SULF2: variants seen among roughly 807,000 people sequenced by gnomAD.
The protein encoded by SULF2 is extracellular sulfatase Sulf-2.
Under a neutral mutation model 107.7 loss-of-function variants are expected in SULF2, and 52 were observed. That is an observed-to-expected ratio of 0.48 (90% CI 0.39 to 0.61). SULF2 has a LOEUF of 0.61. SULF2 is among the 20% of genes least tolerant of loss of function. The pLI, the probability that SULF2 is intolerant of heterozygous loss-of-function variation, is 0.00. For synonymous variants in SULF2, 460 were observed against 464.3 expected (o/e 0.99, Z 0.12); for missense variants, 993 against 1,177.3 (o/e 0.84, Z 2.29).
chr20:47,745,397 AAAAAAAAAAAAAAATATAT>A (rs1340991270), intron 2 of SULF2, among the ~76,000 whole-genome samples: 6 of 33,826 alleles, frequency 1.8e-4, no homozygotes, highest in African/African-American at 5.2e-4. Context: ...AAAAAAAAAA[AAAAAAAAAAAAAAATATAT>A]ATATATATAT....
At chr20:47,747,461 G>C (rs1342749336) in intron 2 of SULF2, among the ~76,000 whole-genome samples, 1 of 152,084 alleles carries the variant, frequency 6.6e-6, no homozygotes, top group Admixed American at 6.5e-5. Flanking sequence ...GCAGAGAGGT[G>C]GCAGAGCACA....
intron 3 of SULF2, among the ~76,000 whole-genome samples, chr20:47,720,174 C>T (rs1421911842): frequency 2.6e-5 from 4 of 152,104 alleles, no homozygotes; most frequent in South Asian, 2.1e-4. Context: ...AGGATGGTCT[C>T]GATCTCCTGA....
At chr20:47,748,773 T>TCTTGTGGGGTGACCCTCTGTGTCC (rs1221737679) in intron 2 of SULF2, among the ~76,000 whole-genome samples, 1 of 152,142 alleles carries the variant, frequency 6.6e-6, no homozygotes, top group African/African-American at 2.4e-5. Flanking sequence ...GGGTGACAGC[T>TCTTGTGGGGTGACCCTCTGTGTCC]CTTGTGGGGT....
chr20:47,767,626 T>A (rs1405249515), intron 1 of SULF2, among the ~76,000 whole-genome samples: 1 of 152,086 alleles, frequency 6.6e-6, no homozygotes, highest in African/African-American at 2.4e-5. Context: ...AAATAAAAAA[T>A]TAGCTGGGTG....
chr20:47,775,741 C>A (rs531577165), intron 1 of SULF2, among the ~76,000 whole-genome samples: 1 of 152,348 alleles, frequency 6.6e-6, no homozygotes, highest in Admixed American at 6.5e-5. Flanking sequence ...GTGAGGGCAT[C>A]ACACACAGTG....
At chr20:47,752,774 A>G (rs1000555871) in intron 2 of SULF2, among the ~76,000 whole-genome samples, 1 of 151,930 alleles carries the variant, frequency 6.6e-6, no homozygotes, top group Non-Finnish European at 1.5e-5. Context: ...AAATAAAAAT[A>G]AAGATGTTCT....
chr20:47,777,215 G>A (rs980299729), intron 1 of SULF2, among the ~76,000 whole-genome samples: 3 of 152,216 alleles, frequency 2.0e-5, no homozygotes, highest in African/African-American at 4.8e-5. Context: ...GCTGAGATCC[G>A]AAGCATAGGA....
At chr20:47,723,934 G>A (rs112152469) in intron 3 of SULF2, among the ~76,000 whole-genome samples, 6 of 152,248 alleles carry the variant, frequency 3.9e-5, no homozygotes, top group African/African-American at 1.2e-4. Flanking sequence ...CCACGAAACC[G>A]GTTGCTTGTA....
At chr20:47,769,100 C>T (rs1446235126) in intron 1 of SULF2, among the ~76,000 whole-genome samples, 1 of 151,594 alleles carries the variant, frequency 6.6e-6, no homozygotes, top group Non-Finnish European at 1.5e-5. Context: ...AGTGCAGTAG[C>T]GTGATCTCAG....
At chr20:47,716,187 A>G (rs1208746658) in intron 3 of SULF2, among the ~76,000 whole-genome samples, 1 of 152,244 alleles carries the variant, frequency 6.6e-6, no homozygotes, top group African/African-American at 2.4e-5. Flanking sequence ...ATGAAAACTG[A>G]GAAATTTAAA....
At chr20:47,740,839 C>G (rs78263089) in intron 2 of SULF2, among the ~76,000 whole-genome samples, 1 of 152,048 alleles carries the variant, frequency 6.6e-6, no homozygotes, top group Non-Finnish European at 1.5e-5. Flanking sequence ...ATTCGGCTGT[C>G]GATTAGACCT....
chr20:47,670,872 T>G (rs1306550829), intron 11 of SULF2, among the ~76,000 whole-genome samples: 1 of 151,768 alleles, frequency 6.6e-6, no homozygotes, highest in Non-Finnish European at 1.5e-5. Flanking sequence ...TTATGGGAAT[T>G]TCACCATAAT....
At chr20:47,757,509 C>T (rs187479275) in intron 1 of SULF2, 46 bp from the exon 2 acceptor site, 192 of 933,108 alleles carry the variant, frequency 2.1e-4, no homozygotes, top group Non-Finnish European at 1.4e-4. Flanking sequence ...TCAAGGCTGC[C>T]GGCTGCTCAT....
chr20:47,665,723 G>A lies in SULF2; in HGVS notation c.1902+134C>T, dbSNP rs2087242237. 1.7e-5 allele frequency: 12 copies of A among 701,176 alleles called. No homozygotes were observed. In the South Asian group the frequency reaches 2.0e-4, roughly 12 times the overall value. The allele number at this position is 701,176 out of a possible 1,614,324, so 43.4% of individuals were successfully genotyped here. On this transcript the variant is annotated intron_variant, in intron 13 of 20. Coordinates refer to ENST00000688720, the MANE Select transcript of SULF2 (RefSeq NM_001387048.1). ...GACTGACACCTATCCCCGCGTTGAG[G>A]AATCTGTGGGGACCTCACTTCACCT...
chr20:47,757,796 G>A (rs1032328106), intron 1 of SULF2, among the ~76,000 whole-genome samples: 4 of 152,154 alleles, frequency 2.6e-5, no homozygotes, highest in Admixed American at 2.0e-4. Flanking sequence ...CAGACAAATC[G>A]TCCCCAGGGA....
intron 3 of SULF2, among the ~76,000 whole-genome samples, chr20:47,709,856 G>C (rs1182739641): frequency 6.6e-6 from 1 of 151,488 alleles, no homozygotes; most frequent in Non-Finnish European, 1.5e-5. Flanking sequence ...GAGAGATAGA[G>C]AGATGCTGGT....
chr20:47,701,187 A>T (rs2088557072), intron 4 of SULF2, among the ~76,000 whole-genome samples: 4 of 152,226 alleles, frequency 2.6e-5, no homozygotes, highest in Admixed American at 2.6e-4. Flanking sequence ...AACAGACTAT[A>T]CGATTCCATT....
At chr20:47,689,963 C>G in intron 5 of SULF2, 163 bp downstream of exon 5, 1 of 704,222 alleles carries the variant, frequency 1.4e-6, no homozygotes, top group Admixed American at 4.3e-5. Flanking sequence ...GAGTTGCATC[C>G]CAGTTTCACC....
chr20:47,762,588 A>C (rs561138252), intron 1 of SULF2, among the ~76,000 whole-genome samples: 2 of 152,214 alleles, frequency 1.3e-5, no homozygotes, highest in African/African-American at 4.8e-5. Flanking sequence ...ACCCCCTAGA[A>C]GCAGATCTTT....
Sources: gnomAD v4.1 joint callset for allele counts (sites outside exome capture counted in the v4.1 genomes callset) on GRCh38, gnomAD v4.1.1 for gene constraint, MANE v1.5 for transcripts, NCBI Gene and HGNC (gene_info 2026-07-23, HGNC 2026-07-21) for gene names.